Variants in GARIN2 observed in about 807,000 individuals in gnomAD.
GARIN2 encodes Golgi-associated RAB2 interactor protein 2.
the GARIN2 span, chr14:67,203,414 T>C: frequency 2.4e-5 from 18 of 759,290 alleles, no homozygotes; most frequent in Non-Finnish European, 3.3e-5. Context: ...CACTCCCTGC[T>C]GCAAATGACA....
At chr14:67,201,776 C>A in the GARIN2 span, 31 of 272,612 alleles carry the variant, frequency 1.1e-4, 2 homozygotes, top group South Asian at 1.1e-3. Context: ...GAGCTACAAC[C>A]TCTTTCTTTC....
At chr14:67,202,282 A>G in the GARIN2 span, among the ~76,000 whole-genome samples, 1 of 152,158 alleles carries the variant, frequency 6.6e-6, no homozygotes, top group Non-Finnish European at 1.5e-5. Context: ...CTCTCCTAAA[A>G]ATACAAAAAT....
chr14:67,227,193 G>A, the GARIN2 span, among the ~76,000 whole-genome samples: 1 of 152,066 alleles, frequency 6.6e-6, no homozygotes, highest in African/African-American at 2.4e-5. Flanking sequence ...TGTAATCCCA[G>A]CACTTTGGGA....
chr14:67,215,425 AC>A, the GARIN2 span, among the ~76,000 whole-genome samples: 1 of 151,960 alleles, frequency 6.6e-6, no homozygotes, highest in Non-Finnish European at 1.5e-5. Context: ...TTTTATGATA[AC>A]CACTGAGCTA....
the GARIN2 span, among the ~76,000 whole-genome samples, chr14:67,201,119 C>A: frequency 6.6e-6 from 1 of 152,096 alleles, no homozygotes; most frequent in Non-Finnish European, 1.5e-5. Flanking sequence ...CAAGTGAGAT[C>A]CCATCTCTAA....
the GARIN2 span, among the ~76,000 whole-genome samples, chr14:67,215,513 A>AAACAAC: frequency 4.4e-4 from 67 of 151,252 alleles, no homozygotes; most frequent in East Asian, 4.5e-3. Flanking sequence ...AAAGATTAAA[A>AAACAAC]AACAACAACA....
the GARIN2 span, among the ~76,000 whole-genome samples, chr14:67,216,102 T>G: frequency 6.6e-6 from 1 of 152,198 alleles, no homozygotes; most frequent in African/African-American, 2.4e-5. Flanking sequence ...CCATGGTATC[T>G]TCTATTAACA....
At chr14:67,205,120 A>G in the GARIN2 span, 27 of 1,526,246 alleles carry the variant, frequency 1.8e-5, no homozygotes, top group Non-Finnish European at 2.3e-5. Context: ...TCATGCTTTA[A>G]TAATCGAGAA....
the GARIN2 span, among the ~76,000 whole-genome samples, chr14:67,221,006 T>C: frequency 6.6e-6 from 1 of 152,210 alleles, no homozygotes; most frequent in African/African-American, 2.4e-5. Context: ...AAATACTTAT[T>C]GAAAATGTGT....
At chr14:67,206,001 T>C in the GARIN2 span, among the ~76,000 whole-genome samples, 1 of 151,860 alleles carries the variant, frequency 6.6e-6, no homozygotes, top group African/African-American at 2.4e-5. Context: ...CTGGGAAACA[T>C]GGCGAAACCC....
the GARIN2 span, chr14:67,200,119 C>G: frequency 9.4e-7 from 1 of 1,065,286 alleles, no homozygotes; most frequent in South Asian, 1.5e-5. Context: ...CATGCCCCCC[C>G]GAAGGCCTCC....
the GARIN2 span, chr14:67,199,701 C>A: frequency 6.3e-7 from 1 of 1,582,330 alleles, no homozygotes; most frequent in Middle Eastern, 1.7e-4. Flanking sequence ...TTTGCAGATG[C>A]ACCTCCTTCA....
At chr14:67,217,786 A>T in the GARIN2 span, among the ~76,000 whole-genome samples, 1 of 151,998 alleles carries the variant, frequency 6.6e-6, no homozygotes, top group Non-Finnish European at 1.5e-5. Flanking sequence ...TCTTTTTCTG[A>T]CATTTTCTAT....
the GARIN2 span, chr14:67,204,548 T>C: frequency 6.2e-7 from 1 of 1,612,994 alleles, no homozygotes; most frequent in Non-Finnish European, 8.5e-7. Flanking sequence ...TTTCTCCCTC[T>C]GCAGTTTGTG....
At chr14:67,195,547 G>A in the GARIN2 span, among the ~76,000 whole-genome samples, 1 of 152,242 alleles carries the variant, frequency 6.6e-6, no homozygotes, top group Non-Finnish European at 1.5e-5. Flanking sequence ...AGAGTGAATT[G>A]TTTTTCCAAA....
chr14:67,195,185 T>G, the GARIN2 span, among the ~76,000 whole-genome samples: 1 of 152,226 alleles, frequency 6.6e-6, no homozygotes, highest in Admixed American at 6.5e-5. Context: ...CACAGCAAAG[T>G]TGATAAAAGA....
chr14:67,205,041 A>G, the GARIN2 span: 2 of 1,552,126 alleles, frequency 1.3e-6, no homozygotes, highest in Non-Finnish European at 1.7e-6. Flanking sequence ...CGGGAGTCAC[A>G]GTGGTGTTTG....
the GARIN2 span, chr14:67,224,843 G>T: frequency 3.2e-6 from 1 of 309,046 alleles, no homozygotes. Flanking sequence ...AAGCAGCCAG[G>T]TTCATTCTTT....
the GARIN2 span, among the ~76,000 whole-genome samples, chr14:67,212,344 C>A: frequency 6.6e-6 from 1 of 151,932 alleles, no homozygotes; most frequent in Non-Finnish European, 1.5e-5. Flanking sequence ...CAGTGTCTCA[C>A]ACCTGTAATC....
Sources: gnomAD v4.1 joint callset for allele counts (sites outside exome capture counted in the v4.1 genomes callset) on GRCh38, gnomAD v4.1.1 for gene constraint, MANE v1.5 for transcripts, NCBI Gene and HGNC (gene_info 2026-07-23, HGNC 2026-07-21) for gene names.